The following DLGAP3 variants were observed in gnomAD, a reference collection of about 807,000 sequenced individuals.
DLGAP3 encodes DLG associated protein 3.
In DLGAP3, 17 loss-of-function variants were observed where a neutral mutation model predicts 81.2. That is an observed-to-expected ratio of 0.21 (90% confidence interval 0.14 to 0.31). DLGAP3 has a LOEUF of 0.31. DLGAP3 is among the 10% of genes least tolerant of loss of function. The probability of loss-of-function intolerance (pLI) is 1.00; values close to 1 mark genes in which losing one functional copy is unlikely to be tolerated. For missense variants in DLGAP3, 1,124 were observed against 1,388.0 expected, an observed-to-expected ratio of 0.81 and a Z score of 3.02; for synonymous variants, 577 against 587.4, an observed-to-expected ratio of 0.98 and a Z score of 0.26.
intron 5 of DLGAP3, among the ~76,000 whole-genome samples, chr1:34,896,043 A>G (rs1031740805): frequency 1.2e-4 from 18 of 152,172 alleles, no homozygotes; most frequent in South Asian, 4.1e-4. Context: ...GTGATCTTGC[A>G]TTAGACAAAG....
intron 8 of DLGAP3, among the ~76,000 whole-genome samples, chr1:34,872,681 G>C (rs1438572847): frequency 1.3e-5 from 2 of 152,206 alleles, no homozygotes; most frequent in East Asian, 3.9e-4. Flanking sequence ...GAGGGAGGAA[G>C]AAGAGTCAGA....
At position 34,895,365 on chromosome 1, in the gene DLGAP3, C is replaced by CAA. The variant is rs547362741; in HGVS notation, c.1386+4302_1386+4303dup. Among the ~76,000 whole-genome samples, 7 of 86,982 alleles carry CAA rather than the reference C, an allele frequency of 8.0e-5. No individual in the cohort carries two copies. The highest frequency in any genetic ancestry group is 2.3e-4 in the Admixed American group (2 of 8,754). 57.1% of individuals were successfully genotyped at this position (86,982 alleles called of 152,430 possible). A position where few individuals can be genotyped will look rare whatever the true frequency, so the allele number is the denominator to read the frequency against. ...CCTGGGCGACAGAGCGAGACTGTCT[C>CAA]AAAAAAAAAAAAAAATTAAAATAAT... is the stretch of plus-strand genomic sequence containing the variant. On this transcript the variant is annotated intron_variant, in intron 5 of 11. Coordinates refer to ENST00000373347, the MANE Select transcript of DLGAP3 (RefSeq NM_001080418.3). The surrounding 1 kb of genome is among the most constrained non-coding windows in gnomAD (Gnocchi z 4.5).
intron 1 of DLGAP3, among the ~76,000 whole-genome samples, chr1:34,924,890 T>A (rs534052682): frequency 6.6e-6 from 1 of 152,162 alleles, no homozygotes; most frequent in African/African-American, 2.4e-5. Flanking sequence ...CCTTGGAAAG[T>A]GGGTCATCTG....
chr1:34,888,446 C>T (rs969346951), intron 5 of DLGAP3, among the ~76,000 whole-genome samples: 10 of 152,136 alleles, frequency 6.6e-5, no homozygotes, highest in Non-Finnish European at 1.3e-4. Flanking sequence ...CTTGTTAAAC[C>T]TACATTAACT....
chr1:34,886,104 G>T lies in DLGAP3; in HGVS notation c.1568C>A (p.Thr523Asn), dbSNP rs771990969. ...GGGCCTCCCTGAGACAGCGGCAGGG[G>T]TAGCGAGGAGGGGCAGGCAGTCGTC... is the stretch of plus-strand genomic sequence containing the variant. ...QDDDCLPLLA[T>N]PAAVSGRPGS... is the part of the protein sequence containing the mutation. Residue 523 changes from threonine (T) to asparagine (N), a missense_variant, in exon 6 of 12, where the codon ACC becomes AAC. Transcript: ENST00000373347. 37 of 1,607,148 alleles carry T rather than the reference G, an allele frequency of 2.3e-5. No individual in the cohort carries two copies. The highest frequency in any genetic ancestry group is 3.0e-5 in the Non-Finnish European group (35 of 1,178,038).
intron 1 of DLGAP3, among the ~76,000 whole-genome samples, chr1:34,915,210 T>C (rs1206663847): frequency 2.0e-5 from 3 of 152,202 alleles, no homozygotes; most frequent in Admixed American, 6.5e-5. Context: ...TCACAATACC[T>C]ACCTCCTTAG....
At chr1:34,917,406 G>C (rs1245318462) in intron 1 of DLGAP3, among the ~76,000 whole-genome samples, 4 of 148,866 alleles carry the variant, frequency 2.7e-5, no homozygotes, top group African/African-American at 1.0e-4. Context: ...GGAGTGCAGT[G>C]GCACTGTCAT....
At chr1:34,875,533 T>C (rs929536174) in intron 8 of DLGAP3, among the ~76,000 whole-genome samples, 1 of 152,228 alleles carries the variant, frequency 6.6e-6, no homozygotes, top group African/African-American at 2.4e-5. Flanking sequence ...GGTTTTGTTT[T>C]TGCTAAATTT....
chr1:34,925,797 C>T (rs1177405018), intron 1 of DLGAP3, among the ~76,000 whole-genome samples: 1 of 152,156 alleles, frequency 6.6e-6, no homozygotes, highest in Non-Finnish European at 1.5e-5. Flanking sequence ...AGCCCACTTC[C>T]ACTCTGAGCT....
intron 5 of DLGAP3, among the ~76,000 whole-genome samples, chr1:34,889,659 C>T (rs921350231): frequency 2.6e-5 from 4 of 152,200 alleles, no homozygotes; most frequent in African/African-American, 9.7e-5. Flanking sequence ...CAGGCAACAT[C>T]GTGTATACTT....
At chr1:34,927,265 G>GA (rs1416630068) in intron 1 of DLGAP3, among the ~76,000 whole-genome samples, 1 of 152,198 alleles carries the variant, frequency 6.6e-6, no homozygotes. Flanking sequence ...TGGGGGTGGG[G>GA]AGAGTTCAGG....
rs1262329781 is a variant in DLGAP3 at position 34,867,642 on chromosome 1, G to A, written c.2486-15C>T. 11 of 1,597,614 alleles carry A rather than the reference G, an allele frequency of 6.9e-6. No individual in the cohort carries two copies. The highest frequency in any genetic ancestry group is 6.9e-6 in the Non-Finnish European group (8 of 1,165,376). On this transcript the variant is annotated splice_polypyrimidine_tract_variant and intron_variant, in intron 9 of 11. Coordinates refer to ENST00000373347, the MANE Select transcript of DLGAP3 (RefSeq NM_001080418.3). This position sits in a 1 kb window ranked among gnomAD's most constrained non-coding sequence, Gnocchi z 4.3. Reference sequence around the variant, plus strand: ...CTTCTCCAGGACTAGAAAGCAGAAGGAAATTCAGGGAGGGAAATGATGCAT... The same window carrying A: ...CTTCTCCAGGACTAGAAAGCAGAAGAAAATTCAGGGAGGGAAATGATGCAT...
chr1:34,926,046 G>A (rs1490056730), intron 1 of DLGAP3, among the ~76,000 whole-genome samples: 1 of 152,146 alleles, frequency 6.6e-6, no homozygotes, highest in Non-Finnish European at 1.5e-5. Context: ...ACATGAACAT[G>A]TCAGCTAGCC....
chr1:34,888,387 T>A (rs1639265323), intron 5 of DLGAP3, among the ~76,000 whole-genome samples: 1 of 152,216 alleles, frequency 6.6e-6, no homozygotes, highest in South Asian at 2.1e-4. Flanking sequence ...AATGTCATGC[T>A]TCCTGGCTCC....
In DLGAP3 at chr1:34,893,033, G is replaced by A. The variant is rs376308523; in HGVS notation, c.1386+6636C>T. On this transcript the variant is annotated intron_variant, in intron 5 of 11. Transcript: ENST00000373347. ...TAAAAATACAAAAAATTAGCCGGGC[G>A]CGGTGGCGGGCGCCTGTAGTCCCAG... 6.1e-4 allele frequency among the ~76,000 whole-genome samples: 92 copies of A among 151,692 alleles called. 1 individual carries two copies. Among genetic ancestry groups the A allele is most frequent in the East Asian group, 5.2e-3 (27 of 5,180 alleles).
chr1:34,882,360 C>T (rs1159983954), intron 8 of DLGAP3, among the ~76,000 whole-genome samples: 1 of 152,100 alleles, frequency 6.6e-6, no homozygotes, highest in African/African-American at 2.4e-5. Context: ...TGCCTGTAAT[C>T]CCAGGTACTT....
intron 5 of DLGAP3, among the ~76,000 whole-genome samples, chr1:34,886,808 A>C (rs902110036): frequency 6.6e-6 from 1 of 150,860 alleles, no homozygotes; most frequent in Non-Finnish European, 1.5e-5. Flanking sequence ...TATATACTAC[A>C]TATATACTAT....
At chr1:34,922,225 T>A (rs1474880048) in intron 1 of DLGAP3, among the ~76,000 whole-genome samples, 1 of 152,140 alleles carries the variant, frequency 6.6e-6, no homozygotes, top group Non-Finnish European at 1.5e-5. Flanking sequence ...ACTTCTTTCA[T>A]ATGATGGAGA....
At chr1:34,882,612 C>T (rs1167925247) in intron 8 of DLGAP3, among the ~76,000 whole-genome samples, 1 of 152,210 alleles carries the variant, frequency 6.6e-6, no homozygotes, top group African/African-American at 2.4e-5. Flanking sequence ...ACACAATCAC[C>T]TTTCTTCTGG....
Sources: gnomAD v4.1 joint callset for allele counts (sites outside exome capture counted in the v4.1 genomes callset) on GRCh38, gnomAD v4.1.1 for gene constraint, Gnocchi (gnomAD v3.1) non-coding constraint, MANE v1.5 for transcripts, NCBI Gene and HGNC (gene_info 2026-07-23, HGNC 2026-07-21) for gene names.